Variants in ULK2 observed in about 807,000 individuals in gnomAD.
ULK2 encodes serine/threonine-protein kinase ULK2.
A neutral mutation model predicts 127.5 loss-of-function variants in ULK2; 76 were observed. The ratio of observed to expected loss-of-function variants is 0.60; its 90% CI spans 0.50 to 0.72. The LOEUF (loss-of-function observed/expected upper bound fraction) is 0.72, where lower values mean the gene tolerates loss of function less well. ULK2 is among the 30% of genes least tolerant of loss of function. ULK2 has a pLI of 0.00. For missense variants in ULK2, 1,144 were observed against 1,295.9 expected (o/e 0.88, Z 1.80); for synonymous variants, 452 against 461.9 (o/e 0.98, Z 0.28).
Position 19,826,119 on chromosome 17 carries a change from T to C in ULK2, c.835+20A>G. Reference sequence around the variant, plus strand: ...CTTGCATTCATTCTTTAAGTGAAAATACAAAAAATGGATACTCACATTTTT... The same window carrying C: ...CTTGCATTCATTCTTTAAGTGAAAACACAAAAAATGGATACTCACATTTTT... On this transcript the variant is annotated intron_variant, in intron 11 of 26. Transcript: ENST00000395544. The C allele has an allele frequency of 7.1e-7, 1 of 1,403,262 alleles. No homozygotes were observed. The allele number at this position is 1,403,262 out of a possible 1,614,324, so 86.9% of individuals were successfully genotyped here.
chr17:19,803,868 T>C (rs987612763), intron 15 of ULK2, among the ~76,000 whole-genome samples: 2 of 152,220 alleles, frequency 1.3e-5, no homozygotes, highest in African/African-American at 4.8e-5. Context: ...GTAGAATTAG[T>C]TACCAGAAGT....
intron 8 of ULK2, 24 bp from the exon 9 acceptor site, chr17:19,841,571 T>C (rs768379750): frequency 1.3e-6 from 2 of 1,542,100 alleles, no homozygotes; most frequent in Non-Finnish European, 1.7e-6. Flanking sequence ...AAAGGTTTAA[T>C]TTCCTAAACA....
intron 12 of ULK2, among the ~76,000 whole-genome samples, chr17:19,818,504 C>T (rs2152390927): frequency 6.6e-6 from 1 of 152,240 alleles, no homozygotes; most frequent in East Asian, 1.9e-4. Flanking sequence ...GTTTCTTCTC[C>T]TGCTATTTAC....
rs886719189 is a variant in ULK2 at position 19,867,236 on chromosome 17, G to A, written c.90+92C>T. The A allele has an allele frequency of 8.9e-6, 9 of 1,012,838 alleles. No individual in the cohort carries two copies. The Admixed American group carries it at 3.3e-4, about 37-fold the overall frequency. 62.7% of individuals were successfully genotyped at this position (1,012,838 alleles called of 1,614,324 possible). A position where few individuals can be genotyped will look rare whatever the true frequency, so the allele number is the denominator to read the frequency against. On this transcript the variant is annotated intron_variant, in intron 1 of 26. Transcript: ENST00000395544. ...GCATACCCGGGCGGCTAGCCGAGTC[G>A]GGGGTCTCGGCTCGCGGCTGCGCCA...
In ULK2 at chr17:19,839,482, T is replaced by C. The variant is rs142925287; in HGVS notation, c.705-899A>G. On this transcript the variant is annotated intron_variant, in intron 9 of 26. Coordinates refer to ENST00000395544, the MANE Select transcript of ULK2 (RefSeq NM_014683.4). The stretch of plus-strand genomic sequence containing the variant: ...GAGTTCAAGACCAGCCTGAACAACA[T>C]GGTGAAATCCCGTCTCCACTAAAAA... 6.4e-3 allele frequency among the ~76,000 whole-genome samples: 965 copies of C among 151,784 alleles called. 3 individuals are homozygous for C. The highest frequency in any genetic ancestry group is 9.4e-3 in the Non-Finnish European group (638 of 67,932).
intron 25 of ULK2, among the ~76,000 whole-genome samples, chr17:19,778,681 C>T (rs961867335): frequency 6.6e-6 from 1 of 152,086 alleles, no homozygotes; most frequent in Non-Finnish European, 1.5e-5. Flanking sequence ...TCTTGAACTC[C>T]TGAGCTCAAG....
rs1238437194 is a variant in ULK2 at position 19,853,862 on chromosome 17, C to T, written c.226-4088G>A. ...CTGGGATTACAGGCGGGAGCCACCA[C>T]GCCCGGCCAAGGCCCCACCTTCTAA... On this transcript the variant is annotated intron_variant, in intron 3 of 26. Transcript: ENST00000395544. 8.6e-5 allele frequency among the ~76,000 whole-genome samples: 13 copies of T among 151,924 alleles called. No homozygotes were observed. The East Asian group carries it at 1.2e-3, about 14-fold the overall frequency.
rs2086729512 is a variant in ULK2, at chr17:19,770,832, G to C, written c.*5517C>G. ...AAGCAAACAGGAACACTTAAAAGTG[G>C]GTCGATCAAATGCTTGAGTTTATTA... On this transcript the variant is annotated 3_prime_UTR_variant, in exon 27 of 27. Coordinates refer to ENST00000395544, the MANE Select transcript of ULK2 (RefSeq NM_014683.4). 6.6e-6 allele frequency: 1 copy of C among 152,164 alleles called. No individual in the cohort carries two copies. Among genetic ancestry groups the C allele is most frequent in the Non-Finnish European group, 1.5e-5 (1 of 68,036 alleles). The allele number at this position is 152,164 out of a possible 1,614,324, so 9.4% of individuals were successfully genotyped here.
At chr17:19,861,563 T>C (rs1466138326) in intron 3 of ULK2, among the ~76,000 whole-genome samples, 1 of 150,692 alleles carries the variant, frequency 6.6e-6, no homozygotes, top group Non-Finnish European at 1.5e-5. Flanking sequence ...AAAAAGAAAA[T>C]CATCTAAGTA....
At chr17:19,848,760 G>C (rs146213353) in intron 5 of ULK2, among the ~76,000 whole-genome samples, 6 of 151,574 alleles carry the variant, frequency 4.0e-5, no homozygotes, top group Non-Finnish European at 8.8e-5. Context: ...CTGGGTGACA[G>C]AGTGAGACTT....
chr17:19,792,912 A>C (rs1205621163), intron 20 of ULK2, among the ~76,000 whole-genome samples: 1 of 152,244 alleles, frequency 6.6e-6, no homozygotes, highest in Non-Finnish European at 1.5e-5. Flanking sequence ...TAATCAAGGC[A>C]GTATGGTACC....
Position 19,797,523 on chromosome 17 carries a change from T to G in ULK2, c.1682A>C (p.Tyr561Ser), listed in dbSNP as rs769538338. 1 of 1,613,636 alleles carries G rather than the reference T, an allele frequency of 6.2e-7. No homozygotes were observed. The highest frequency in any genetic ancestry group is 8.5e-7 in the Non-Finnish European group (1 of 1,179,998). ...CPSHTGAGYS[Y>S]SPQPSRPGSL... ...GCCAGGCCGACTGGGCTGAGGCGAG[T>G]AGCTGTACCCAGCCCCAGTATGGGA... The change falls in exon 18 of 27, where the codon TAC becomes TCC. Residue 561 changes from tyrosine to serine, a missense_variant. Physicochemically the swap from Tyr to Ser is moderately radical, Grantham distance 144. This residue lies in a region of ULK2 where 913 missense variants were observed against 970.5 expected (regional missense o/e 0.94). Coordinates refer to ENST00000395544, the MANE Select transcript of ULK2 (RefSeq NM_014683.4).
chr17:19,853,817 C>T (rs893522535), intron 3 of ULK2, among the ~76,000 whole-genome samples: 10 of 151,872 alleles, frequency 6.6e-5, no homozygotes, highest in African/African-American at 2.2e-4. Flanking sequence ...GTGATCCCCC[C>T]GCCTCGGCCT....
rs184386523 is a variant in ULK2, at chr17:19,811,409, G to A, written c.1097-971C>T. Among the ~76,000 whole-genome samples the A allele has an allele frequency of 5.9e-5, 9 of 151,740 alleles. No individual in the cohort carries two copies. The East Asian group carries it at 1.6e-3, about 26-fold the overall frequency. On this transcript the variant is annotated intron_variant, in intron 13 of 26. Coordinates refer to ENST00000395544, the MANE Select transcript of ULK2 (RefSeq NM_014683.4). ...TGTATCAACCTGATAGCTTAATCACGAGAGGGAAATTATTTCAAGTAACTT... is the reference window on the plus strand; with the variant it reads ...TGTATCAACCTGATAGCTTAATCACAAGAGGGAAATTATTTCAAGTAACTT...
chr17:19,797,581 G>A lies in ULK2; in HGVS notation c.1624C>T (p.Leu542Phe), dbSNP rs1301893171. ...LTDIYQNKQKLRKQHSDPVCP... is the reference protein window; with the variant it reads ...LTDIYQNKQKFRKQHSDPVCP... ...ACGGGGTCAGAGTGCTGTTTTCTGA[G>A]CTTCTGCTTGTTCTGATAGATGTCA... is the stretch of plus-strand genomic sequence containing the variant. Residue 542 changes from leucine (L) to phenylalanine (F), a missense_variant, in exon 18 of 27, where the codon CTC becomes TTC. Coordinates refer to ENST00000395544, the MANE Select transcript of ULK2 (RefSeq NM_014683.4). The A allele has an allele frequency of 1.2e-6, 2 of 1,613,694 alleles. No individual in the cohort carries two copies. Among genetic ancestry groups the A allele is most frequent in the Non-Finnish European group, 1.7e-6 (2 of 1,180,008 alleles).
At position 19,825,151 on chromosome 17, in the gene ULK2, A is replaced by G. The variant is rs1275753165; in HGVS notation, c.867T>C (p.Gly289=). The G allele has an allele frequency of 1.2e-6, 2 of 1,614,114 alleles. No individual in the cohort carries two copies. Among genetic ancestry groups the G allele is most frequent in the African/African-American group, 2.7e-5 (2 of 74,946 alleles). The change falls in exon 12 of 27, where the codon GGT becomes GGC. Residue 289 remains glycine, a synonymous_variant. Coordinates refer to ENST00000395544, the MANE Select transcript of ULK2 (RefSeq NM_014683.4). ...SCPVPVPMYS[G]SVSGSSCGSS... ...TGCCACAGGAGCTTCCAGAGACAGA[A>G]CCAGAATACATGGGCACTGGAACTG...
intron 1 of ULK2, among the ~76,000 whole-genome samples, 188 bp downstream of exon 1, chr17:19,867,140 C>T (rs2042368757): frequency 6.6e-6 from 1 of 152,156 alleles, no homozygotes; most frequent in African/African-American, 2.4e-5. Flanking sequence ...CGGAGCGCTG[C>T]CAGAGGCTTG....
Position 19,867,369 on chromosome 17 carries a change from G to A in ULK2, c.49C>T (p.His17Tyr), listed in dbSNP as rs1457177762. 9.4e-6 allele frequency: 15 copies of A among 1,603,316 alleles called. No homozygotes were observed. Among genetic ancestry groups the A allele is most frequent in the Non-Finnish European group, 1.3e-5 (15 of 1,176,060 alleles). Residue 17 changes from histidine (H) to tyrosine (Y), a missense_variant, in exon 1 of 27, where the codon CAC becomes TAC. Physicochemically the swap from His to Tyr is moderately conservative, Grantham distance 83 (BLOSUM62 2). Transcript: ENST00000395544. ...CGGAAGACCACGGCGAAGGCCCCGT[G>A]TCCCACGAGATCCCTCTTGCTGTAC... is the stretch of plus-strand genomic sequence containing the variant. ...FEYSKRDLVG[H>Y]GAFAVVFRGR...
intron 1 of ULK2, 36 bp from the exon 2 acceptor site, chr17:19,865,864 T>C (rs916062846): frequency 1.0e-5 from 13 of 1,295,534 alleles, no homozygotes; most frequent in Non-Finnish European, 1.4e-5. Flanking sequence ...CTAGATACCA[T>C]TCCACATAAA....
Sources: allele counts gnomAD v4.1 joint callset (sites outside exome capture counted in the v4.1 genomes callset), GRCh38; gene constraint gnomAD v4.1.1; regional missense constraint gnomAD v4.1.1; transcripts MANE v1.5; gene names NCBI Gene and HGNC (gene_info 2026-07-23, HGNC 2026-07-21).